Variants in CNTN3 observed in about 807,000 individuals in gnomAD.
CNTN3 encodes contactin 3, also known as contactin-3.
Under a neutral mutation model 119.1 loss-of-function variants are expected in CNTN3, and 60 were observed. The ratio of observed to expected loss-of-function variants is 0.50; its 90% confidence interval spans 0.41 to 0.62. The LOEUF (loss-of-function observed/expected upper bound fraction) is 0.62. Among genes scored for constraint, CNTN3 ranks in the 20% least tolerant of loss-of-function variants. CNTN3 has a pLI of 0.00. For synonymous variants in CNTN3, 450 were observed against 438.7 expected, an observed-to-expected ratio of 1.03 and a Z score of -0.32; for missense variants, 1,101 against 1,242.4, an observed-to-expected ratio of 0.89 and a Z score of 1.71.
Position 74,486,468 on chromosome 3 carries a change from G to A in CNTN3, c.346C>T (p.Leu116Phe). Residue 116 changes from leucine (L) to phenylalanine (F), a missense_variant, in exon 4 of 23, where the codon CTT (leucine) becomes TTT (phenylalanine). Transcript: ENST00000263665. ...LGTIVSREAK[L>F]QFAYLENFKT... is the part of the protein sequence containing the mutation. ...AACATAAACTTACAGGCAAACTGAA[G>A]TTTGGCTTCTCTGCTGACAATTGTT... 6.3e-7 allele frequency: 1 copy of A among 1,599,922 alleles called. No homozygotes were observed. The highest frequency in any genetic ancestry group is 8.5e-7 in the Non-Finnish European group (1 of 1,176,726).
chr3:74,474,561 T>G (rs2107010555), intron 4 of CNTN3, among the ~76,000 whole-genome samples: 1 of 152,182 alleles, frequency 6.6e-6, no homozygotes, highest in South Asian at 2.1e-4. Flanking sequence ...TGGTACGAAC[T>G]CAGCTCACTG....
At chr3:74,510,916 C>G (rs1351694957) in intron 2 of CNTN3, among the ~76,000 whole-genome samples, 1 of 152,006 alleles carries the variant, frequency 6.6e-6, no homozygotes, top group East Asian at 1.9e-4. Flanking sequence ...AGCTTTGGGT[C>G]TGCTTTTCAG....
At chr3:74,442,176 CAGAG>C (rs66734419) in intron 4 of CNTN3, among the ~76,000 whole-genome samples, 2,725 of 135,046 alleles carry the variant, frequency 0.02, 24 homozygotes, top group African/African-American at 0.023. Context: ...CACACACACA[CAGAG>C]AGAGAGAGAT....
At chr3:74,435,014 A>T (rs1261307837) in intron 4 of CNTN3, among the ~76,000 whole-genome samples, 1 of 152,018 alleles carries the variant, frequency 6.6e-6, no homozygotes, top group Non-Finnish European at 1.5e-5. Context: ...CCCTGTTGTT[A>T]TTCTCTCAAA....
chr3:74,554,919 G>C (rs1704046690), intron 1 of CNTN3, among the ~76,000 whole-genome samples: 1 of 152,120 alleles, frequency 6.6e-6, no homozygotes, highest in African/African-American at 2.4e-5. Flanking sequence ...TCCCTTGCCT[G>C]ACTGTCCTGG....
chr3:74,313,502 G>A (rs888438851), intron 13 of CNTN3, among the ~76,000 whole-genome samples: 1 of 152,176 alleles, frequency 6.6e-6, no homozygotes, highest in Non-Finnish European at 1.5e-5. Context: ...ATAGAGAGGT[G>A]TGGAAGCCAT....
chr3:74,599,042 C>T (rs6799717), intron 1 of CNTN3, among the ~76,000 whole-genome samples: 31,444 of 151,964 alleles, frequency 0.21, 6,215 homozygotes, highest in African/African-American at 0.5. Context: ...GTTGTAAGGA[C>T]TGAAGTGGTT....
chr3:74,535,402 T>C (rs1388886585), intron 1 of CNTN3, among the ~76,000 whole-genome samples: 2 of 152,074 alleles, frequency 1.3e-5, no homozygotes, highest in Non-Finnish European at 2.9e-5. Context: ...CCCAAACTCA[T>C]GCAGCAACAA....
intron 18 of CNTN3, among the ~76,000 whole-genome samples, chr3:74,295,856 A>C (rs1214292592): frequency 2.6e-5 from 4 of 152,122 alleles, no homozygotes; most frequent in Admixed American, 6.5e-5. Context: ...TCTGAGCAGG[A>C]ATCTCCCCTC....
chr3:74,350,348 A>C (rs1313856495), intron 11 of CNTN3, among the ~76,000 whole-genome samples: 1 of 152,198 alleles, frequency 6.6e-6, no homozygotes, highest in East Asian at 1.9e-4. Context: ...ATTATCAGAG[A>C]AATTCAAATT....
At chr3:74,605,391 CAATA>C (rs1704975064) in intron 1 of CNTN3, among the ~76,000 whole-genome samples, 2 of 152,054 alleles carry the variant, frequency 1.3e-5, no homozygotes, top group African/African-American at 2.4e-5. Context: ...ATGTTGTATA[CAATA>C]AATATATATA....
intron 4 of CNTN3, among the ~76,000 whole-genome samples, chr3:74,430,198 C>A (rs116775505): frequency 6.6e-6 from 1 of 152,218 alleles, no homozygotes; most frequent in Non-Finnish European, 1.5e-5. Flanking sequence ...CATAAAAGTT[C>A]GCAGAGTTTT....
rs763780012 is a variant in CNTN3 at position 74,369,864 on chromosome 3, T to G, written c.761+25A>C. ...TATAGCAACCTAATATTTCAGCACA[T>G]AGGAGTAAATGTTATAAAACTTACT... On this transcript the variant is annotated intron_variant, in intron 7 of 22. Transcript: ENST00000263665. 3 of 1,215,462 alleles carry G rather than the reference T, an allele frequency of 2.5e-6. No homozygotes were observed. The South Asian group carries it at 3.7e-5, about 15-fold the overall frequency. The allele number at this position is 1,215,462 out of a possible 1,614,324, so 75.3% of individuals were successfully genotyped here.
chr3:74,326,323 G>C, intron 13 of CNTN3, among the ~76,000 whole-genome samples: 1 of 151,976 alleles, frequency 6.6e-6, no homozygotes, highest in East Asian at 1.9e-4. Flanking sequence ...ACTTAAAAAT[G>C]TTAATACATA....
intron 5 of CNTN3, among the ~76,000 whole-genome samples, chr3:74,416,758 C>A (rs912302136): frequency 6.6e-6 from 1 of 152,068 alleles, no homozygotes; most frequent in Non-Finnish European, 1.5e-5. Flanking sequence ...GAGGCCGAAG[C>A]GGTTGGATCA....
intron 2 of CNTN3, among the ~76,000 whole-genome samples, chr3:74,511,127 T>A (rs1703356175): frequency 2.0e-5 from 3 of 152,138 alleles, no homozygotes; most frequent in Admixed American, 1.3e-4. Context: ...ACACTTCCTT[T>A]AAATTGAATG....
intron 5 of CNTN3, among the ~76,000 whole-genome samples, chr3:74,420,069 C>A (rs1026687748): frequency 2.0e-5 from 3 of 152,112 alleles, no homozygotes; most frequent in African/African-American, 7.2e-5. Flanking sequence ...AGGTTAATTC[C>A]TCTTGCTTCA....
intron 1 of CNTN3, among the ~76,000 whole-genome samples, chr3:74,559,223 A>T (rs1481646111): frequency 1.3e-5 from 2 of 152,134 alleles, no homozygotes; most frequent in African/African-American, 2.4e-5. Flanking sequence ...TCTCAACAGC[A>T]AAATGAGGAA....
At chr3:74,338,322 TTAC>T (rs1417087764) in intron 11 of CNTN3, among the ~76,000 whole-genome samples, 2 of 151,664 alleles carry the variant, frequency 1.3e-5, no homozygotes, top group Non-Finnish European at 3.0e-5. Flanking sequence ...TTCAAAAATG[TTAC>T]TACAAGGGTT....
Sources: gnomAD v4.1 joint callset for allele counts (sites outside exome capture counted in the v4.1 genomes callset) on GRCh38, gnomAD v4.1.1 for gene constraint, MANE v1.5 for transcripts, NCBI Gene and HGNC (gene_info 2026-07-23, HGNC 2026-07-21) for gene names.